XKRX: variants seen among roughly 807,000 people sequenced by gnomAD.
XKRX encodes the protein XK-related protein 2.
A neutral mutation model predicts 22.4 loss-of-function variants in XKRX; 11 were observed. The ratio of observed to expected loss-of-function variants is 0.49; its 90% CI spans 0.31 to 0.81. The LOEUF (loss-of-function observed/expected upper bound fraction) is 0.81, where lower values mean the gene tolerates loss of function less well. XKRX is among the 40% of genes least tolerant of loss of function. The pLI, the probability that XKRX is intolerant of heterozygous loss-of-function variation, is 0.05. For missense variants in XKRX, 320 were observed against 336.5 expected, an observed-to-expected ratio of 0.95 and a Z score of 0.38; for synonymous variants, 114 against 132.2, an observed-to-expected ratio of 0.86 and a Z score of 0.94.
intron 1 of XKRX, among the ~76,000 whole-genome samples, chrX:100,923,809 A>G (rs1190957055): frequency 9.4e-6 from 1 of 106,751 alleles, no homozygotes; most frequent in Non-Finnish European, 1.9e-5. Context: ...CCAAAGTTTT[A>G]GATTCTGCTT....
At chrX:100,941,506 G>A in the XKRX span, among the ~76,000 whole-genome samples, 34 of 111,348 alleles carry the variant, frequency 3.1e-4, no homozygotes, top group Non-Finnish European at 4.0e-4. Flanking sequence ...CCGAGATTGC[G>A]CTATTGCACT....
At chrX:100,950,926 C>G in the XKRX span, among the ~76,000 whole-genome samples, 5 of 111,345 alleles carry the variant, frequency 4.5e-5, no homozygotes, top group African/African-American at 9.8e-5. Context: ...GGACTAAACA[C>G]TTACATTAGA....
chrX:100,913,372 A>C (rs1396324632), downstream of XKRX: 1 of 59,546 alleles, frequency 1.7e-5, no homozygotes, highest in African/African-American at 8.1e-5. Flanking sequence ...TCTTCCCTAC[A>C]CACATACACA....
the XKRX span, among the ~76,000 whole-genome samples, chrX:100,950,016 C>A: frequency 9.0e-6 from 1 of 111,066 alleles, no homozygotes; most frequent in Non-Finnish European, 1.9e-5. Flanking sequence ...ATGAATATGA[C>A]AGAAGAAAAA....
the XKRX span, among the ~76,000 whole-genome samples, chrX:100,901,507 G>A: frequency 9.0e-6 from 1 of 111,614 alleles, no homozygotes; most frequent in African/African-American, 3.3e-5. Flanking sequence ...AAACTGATAG[G>A]AGACACAGAA....
the XKRX span, among the ~76,000 whole-genome samples, chrX:100,944,208 T>C: frequency 1.8e-5 from 2 of 112,036 alleles, no homozygotes; most frequent in African/African-American, 6.5e-5. Flanking sequence ...GCACTTTTCA[T>C]AGATTTATCA....
chrX:100,944,401 C>T, the XKRX span, among the ~76,000 whole-genome samples: 1 of 111,897 alleles, frequency 8.9e-6, no homozygotes, highest in Non-Finnish European at 1.9e-5. Flanking sequence ...TCACTCTTGT[C>T]ACCCAGGCTG....
chrX:100,889,202 T>C, the XKRX span, among the ~76,000 whole-genome samples: 26,442 of 97,260 alleles, frequency 0.27, 2,974 homozygotes, highest in East Asian at 0.36. Flanking sequence ...ATCGCACCAC[T>C]GCACTACAGC....
the XKRX span, among the ~76,000 whole-genome samples, chrX:100,898,375 T>C: frequency 9.2e-6 from 1 of 108,256 alleles, no homozygotes; most frequent in African/African-American, 3.4e-5. Flanking sequence ...GAAGGAAGGG[T>C]GCAAGGGCTT....
chrX:100,958,672 T>C, the XKRX span, among the ~76,000 whole-genome samples: 364 of 111,706 alleles, frequency 3.3e-3, 1 homozygote, highest in African/African-American at 0.011. Context: ...GCATATAGAA[T>C]GTTTTGAGGT....
chrX:100,938,610 C>T, the XKRX span, among the ~76,000 whole-genome samples: 3 of 111,287 alleles, frequency 2.7e-5, no homozygotes, highest in Admixed American at 1.9e-4. Flanking sequence ...GCCTGGGCAA[C>T]AGAGCAAGAC....
At chrX:100,920,558 G>A (rs1399305127) in intron 2 of XKRX, among the ~76,000 whole-genome samples, 1 of 110,130 alleles carries the variant, frequency 9.1e-6, no homozygotes, top group Admixed American at 9.7e-5. Context: ...TCTGACTTTT[G>A]TAATTAAAAA....
the XKRX span, chrX:100,887,683 A>G: frequency 6.1e-6 from 4 of 659,550 alleles, no homozygotes; most frequent in African/African-American, 8.6e-5. Flanking sequence ...TGGAACCACC[A>G]TAGCCACTGT....
intron 1 of XKRX, among the ~76,000 whole-genome samples, chrX:100,925,205 T>C (rs73250642): frequency 2.7e-5 from 3 of 112,319 alleles, no homozygotes; most frequent in Non-Finnish European, 5.6e-5. Flanking sequence ...ACATAAATGT[T>C]CTGTTTCTAT....
At chrX:100,927,824 T>C in intron 1 of XKRX, 146 bp downstream of exon 1, 2 of 750,211 alleles carry the variant, frequency 2.7e-6, no homozygotes, top group Non-Finnish European at 3.8e-6. Context: ...GTAAGTTTTC[T>C]GAATGGTAGA....
the XKRX span, among the ~76,000 whole-genome samples, chrX:100,934,968 TGAGAGAGACAGAGAGAGACA>T: frequency 2.9e-3 from 321 of 109,054 alleles, no homozygotes; most frequent in Middle Eastern, 4.8e-3. Context: ...AGAGTGTGTG[TGAGAGAGACAGAGAGAGACA>T]GAGAGAGACA....
At chrX:100,953,227 G>A in the XKRX span, among the ~76,000 whole-genome samples, 1 of 111,786 alleles carries the variant, frequency 8.9e-6, no homozygotes, top group Non-Finnish European at 1.9e-5. Flanking sequence ...GTTCAAGGCT[G>A]CAGTGAGCTA....
At chrX:100,899,022 G>A in the XKRX span, among the ~76,000 whole-genome samples, 1 of 110,925 alleles carries the variant, frequency 9.0e-6, no homozygotes, top group East Asian at 2.8e-4. Flanking sequence ...CTGCAATAGA[G>A]AAGAATCCGA....
the XKRX span, among the ~76,000 whole-genome samples, chrX:100,936,338 C>T: frequency 9.2e-6 from 1 of 108,708 alleles, no homozygotes; most frequent in Non-Finnish European, 1.9e-5. Flanking sequence ...GCCAGGAGTA[C>T]AAGACCAGCC....
Sources: allele counts gnomAD v4.1 joint callset (sites outside exome capture counted in the v4.1 genomes callset), GRCh38; gene constraint gnomAD v4.1.1; transcripts MANE v1.5; gene names NCBI Gene and HGNC (gene_info 2026-07-23, HGNC 2026-07-21).